CELF5: variants seen among roughly 807,000 people sequenced by gnomAD.
The protein encoded by CELF5 is CUGBP Elav-like family member 5.
In CELF5, 6 loss-of-function variants were observed where a neutral mutation model predicts 54.9. The ratio of observed to expected loss-of-function variants is 0.11; its 90% CI spans 0.06 to 0.22. The LOEUF (loss-of-function observed/expected upper bound fraction) is 0.22. Among genes scored for constraint, CELF5 ranks in the 10% least tolerant of loss-of-function variants. CELF5 has a pLI of 1.00. For missense variants in CELF5, 401 were observed against 678.6 expected, an observed-to-expected ratio of 0.59 and a Z score of 4.54; for synonymous variants, 271 against 290.9, an observed-to-expected ratio of 0.93 and a Z score of 0.70.
chr19:3,244,960 T>TC (rs2079544373), intron 1 of CELF5, among the ~76,000 whole-genome samples: 1 of 147,050 alleles, frequency 6.8e-6, no homozygotes, highest in African/African-American at 2.5e-5. Flanking sequence ...TGCATGCATC[T>TC]TGTCTGCGTG....
intron 10 of CELF5, 130 bp downstream of exon 10, chr19:3,286,155 G>A: frequency 2.7e-6 from 2 of 736,588 alleles, no homozygotes; most frequent in Non-Finnish European, 4.1e-6. Context: ...GGCTGGACAG[G>A]CCAGAGTTGA....
chr19:3,282,567 T>A lies in CELF5; in HGVS notation c.1039+69T>A. The A allele has an allele frequency of 2.6e-6, 4 of 1,519,388 alleles. No individual in the cohort carries two copies. Among genetic ancestry groups the A allele is most frequent in the Non-Finnish European group, 3.6e-6 (4 of 1,124,354 alleles). 94.1% of individuals were successfully genotyped at this position (1,519,388 alleles called of 1,614,324 possible). On this transcript the variant is annotated intron_variant, in intron 8 of 12. Coordinates refer to ENST00000292672, the MANE Select transcript of CELF5 (RefSeq NM_021938.4). The surrounding 1 kb of genome is among the most constrained non-coding windows in gnomAD (Gnocchi z 5.2). ...ATAAAGATGGTGTTTCTGGAACAAG[T>A]ATGAGTCCCTACATCACAGTGCCCA...
intron 1 of CELF5, among the ~76,000 whole-genome samples, chr19:3,241,747 G>T (rs142714297): frequency 6.6e-6 from 1 of 152,120 alleles, no homozygotes; most frequent in African/African-American, 2.4e-5. Context: ...ATCCAGCCCC[G>T]TGTTTCTGAC....
intron 2 of CELF5, among the ~76,000 whole-genome samples, chr19:3,263,431 C>T (rs565667811): frequency 6.7e-6 from 1 of 149,730 alleles, no homozygotes; most frequent in African/African-American, 2.5e-5. Context: ...CATGGTGTCG[C>T]GTGCCTGTAA....
intron 2 of CELF5, among the ~76,000 whole-genome samples, chr19:3,264,411 TTTTC>T (rs1009101734): frequency 1.4e-4 from 21 of 151,686 alleles, no homozygotes; most frequent in Middle Eastern, 6.8e-3. Flanking sequence ...TTTCTTTTTC[TTTTC>T]TTTCTTTTTT....
rs1325761190 is a variant in CELF5 at position 3,224,845 on chromosome 19, C to T, written c.106C>T (p.Pro36Ser). The change falls in exon 1 of 13, where the codon CCC becomes TCC. Residue 36 changes from proline to serine, a missense_variant. Pro to Ser is a moderately conservative substitution (Grantham distance 74, BLOSUM62 -1). This residue lies in a region of CELF5 where 46 missense variants were observed against 55.0 expected (regional missense o/e 0.84). Transcript: ENST00000292672. ...CGGGCCCGAGCCCCCCGGGGGGCAGCCCGACGGCATGAAGGACCTGGACGC... is the reference window on the plus strand; with the variant it reads ...CGGGCCCGAGCCCCCCGGGGGGCAGTCCGACGGCATGAAGGACCTGGACGC... ...SSGPEPPGGQ[P>S]DGMKDLDAIK... The T allele has an allele frequency of 2.5e-6, 4 of 1,596,844 alleles. No individual in the cohort carries two copies. Among genetic ancestry groups the T allele is most frequent in the Admixed American group, 1.7e-5 (1 of 57,646 alleles).
intron 2 of CELF5, among the ~76,000 whole-genome samples, chr19:3,256,064 C>CAAAATAAAAAAAAAAAAAAAA: frequency 7.2e-6 from 1 of 139,618 alleles, no homozygotes; most frequent in Admixed American, 7.3e-5. Flanking sequence ...GACCCTGTCT[C>CAAAATAAAAAAAAAAAAAAAA]AAAAAAAAAG....
In CELF5 at chr19:3,281,275, T is replaced by G; in HGVS notation, c.680T>G (p.Val227Gly). 1 of 1,611,810 alleles carries G rather than the reference T, an allele frequency of 6.2e-7. No homozygotes were observed. Among genetic ancestry groups the G allele is most frequent in the Non-Finnish European group, 8.5e-7 (1 of 1,179,902 alleles). Reference protein sequence around the residue: ...ERTLRRMQQMVGQLGILTPSL... With the variant: ...ERTLRRMQQMGGQLGILTPSL... Reference sequence around the variant, plus strand: ...ACGCTCCGGCGCATGCAGCAGATGGTGGGCCAGCTGGGCATCCTGACGCCG... The same window carrying G: ...ACGCTCCGGCGCATGCAGCAGATGGGGGGCCAGCTGGGCATCCTGACGCCG... The change falls in exon 6 of 13, where the codon GTG becomes GGG. Residue 227 changes from valine to glycine, a missense_variant. Around this residue, in one of 6 missense-constraint regions of CELF5, gnomAD observed 87 missense variants for 190.2 expected, o/e 0.46. Transcript: ENST00000292672. The surrounding 1 kb of genome is among the most constrained non-coding windows in gnomAD (Gnocchi z 6.5).
intron 10 of CELF5, 43 bp from the exon 11 acceptor site, chr19:3,290,188 C>T (rs1429740445): frequency 5.6e-6 from 9 of 1,597,346 alleles, no homozygotes; most frequent in Non-Finnish European, 7.7e-6. Context: ...GGGTTCGCCT[C>T]CTCTCCTTGG....
chr19:3,282,609 GA>G lies in CELF5; in HGVS notation c.1039+116del. 7 of 1,247,598 alleles carry G rather than the reference GA, an allele frequency of 5.6e-6. No individual in the cohort carries two copies. The highest frequency in any genetic ancestry group is 6.6e-6 in the Non-Finnish European group (6 of 905,820). 77.3% of individuals were successfully genotyped at this position (1,247,598 alleles called of 1,614,324 possible). A position where few individuals can be genotyped will look rare whatever the true frequency, so the allele number is the denominator to read the frequency against. ...CAGTGCCCAGGGAACAGAAGGGCAG[GA>G]AAAAGGGTGTCTCCGCTGAGCAGAT... On this transcript the variant is annotated intron_variant, in intron 8 of 12. Coordinates refer to ENST00000292672, the MANE Select transcript of CELF5 (RefSeq NM_021938.4). The surrounding 1 kb of genome is among the most constrained non-coding windows in gnomAD (Gnocchi z 5.2).
chr19:3,226,476 A>ACACACACACACACACACACAC (rs1555715644), intron 1 of CELF5, among the ~76,000 whole-genome samples: 3 of 150,968 alleles, frequency 2.0e-5, no homozygotes, highest in African/African-American at 4.9e-5. Context: ...ACACACACAC[A>ACACACACACACACACACACAC]AAATTGGGCC....
chr19:3,277,977 C>G, intron 4 of CELF5, 54 bp from the exon 5 acceptor site: 1 of 1,451,016 alleles, frequency 6.9e-7, no homozygotes, highest in South Asian at 1.2e-5. Flanking sequence ...GGCCCCCGCT[C>G]AGCCAGTCCT....
intron 10 of CELF5, among the ~76,000 whole-genome samples, chr19:3,288,968 A>G (rs1288112525): frequency 6.6e-6 from 1 of 152,216 alleles, no homozygotes; most frequent in Non-Finnish European, 1.5e-5. Flanking sequence ...AAGGCTTCAG[A>G]TGAACAAGGT....
chr19:3,241,401 G>A (rs922222729), intron 1 of CELF5, among the ~76,000 whole-genome samples: 11 of 151,998 alleles, frequency 7.2e-5, no homozygotes, highest in African/African-American at 2.7e-4. Flanking sequence ...TTCTTGTCCA[G>A]GCTTTGAAAA....
chr19:3,292,946 A>G (rs2080375583), intron 11 of CELF5, among the ~76,000 whole-genome samples: 1 of 152,150 alleles, frequency 6.6e-6, no homozygotes, highest in Admixed American at 6.6e-5. Context: ...ACACACAGTC[A>G]GCTGGAGACA....
chr19:3,285,746 C>T (rs1443973388), intron 9 of CELF5, among the ~76,000 whole-genome samples, 196 bp from the exon 10 acceptor site: 1 of 146,608 alleles, frequency 6.8e-6, no homozygotes, highest in Non-Finnish European at 1.5e-5. Flanking sequence ...TAGCCCCTCC[C>T]CGTTTCGTCT....
At chr19:3,292,723 G>A (rs2080372340) in intron 11 of CELF5, among the ~76,000 whole-genome samples, 1 of 152,116 alleles carries the variant, frequency 6.6e-6, no homozygotes, top group Admixed American at 6.6e-5. Flanking sequence ...AGAGAAAGAG[G>A]GGAGGGGAGA....
In CELF5 at chr19:3,231,810, G is replaced by C. The variant is rs551581876; in HGVS notation, c.259+6812G>C. ...AGTGCATGGATGGATGGATGGGTAG[G>C]TGGGTGGATAGATGAGTGGATGGAT... On this transcript the variant is annotated intron_variant, in intron 1 of 12. Transcript: ENST00000292672. Among the ~76,000 whole-genome samples the C allele has an allele frequency of 9.3e-4, 137 of 147,682 alleles. 8 individuals carry two copies. The South Asian group carries it at 0.03, about 32-fold the overall frequency.
At chr19:3,269,183 T>C (rs1024118852) in intron 2 of CELF5, among the ~76,000 whole-genome samples, 1 of 151,994 alleles carries the variant, frequency 6.6e-6, no homozygotes, top group Non-Finnish European at 1.5e-5. Flanking sequence ...TTCCACTAAA[T>C]CTCTTTTTTG....
Sources: allele counts gnomAD v4.1 joint callset (sites outside exome capture counted in the v4.1 genomes callset), GRCh38; gene constraint gnomAD v4.1.1; regional missense constraint gnomAD v4.1.1; non-coding constraint Gnocchi (gnomAD v3.1); transcripts MANE v1.5; gene names NCBI Gene and HGNC (gene_info 2026-07-23, HGNC 2026-07-21).